CD86: variants seen among roughly 807,000 people sequenced by gnomAD.
CD86 encodes T-lymphocyte activation antigen CD86.
In CD86, 11 loss-of-function variants were observed where a neutral mutation model predicts 32.1. The observed-to-expected ratio is 0.34, with a 90% CI of 0.22 to 0.57. CD86 has a LOEUF of 0.57. Ranked by LOEUF, CD86 falls within the 20% of genes least tolerant of loss-of-function variation. The pLI is 0.86. For missense variants in CD86, 359 were observed against 398.4 expected (o/e 0.90, Z 0.84); for synonymous variants, 137 against 135.3 (o/e 1.01, Z -0.09).
intron 1 of CD86, among the ~76,000 whole-genome samples, chr3:122,090,509 A>C (rs2072798536): frequency 6.6e-6 from 1 of 152,122 alleles, no homozygotes; most frequent in Non-Finnish European, 1.5e-5. Flanking sequence ...CTCAGTGCAA[A>C]TTGGGCAGAT....
chr3:122,093,004 C>G (rs1457598157), intron 2 of CD86, among the ~76,000 whole-genome samples: 1 of 152,284 alleles, frequency 6.6e-6, no homozygotes, highest in East Asian at 1.9e-4. Flanking sequence ...ACTTAGGTAA[C>G]AACAGCAGCT....
intron 2 of CD86, among the ~76,000 whole-genome samples, chr3:122,093,977 C>T (rs1295433615): frequency 6.6e-6 from 1 of 152,196 alleles, no homozygotes; most frequent in Non-Finnish European, 1.5e-5. Flanking sequence ...AGTGGTAAGA[C>T]TTCTTCCATG....
chr3:122,073,639 G>T (rs1489705884), intron 1 of CD86, among the ~76,000 whole-genome samples: 1 of 152,052 alleles, frequency 6.6e-6, no homozygotes, highest in African/African-American at 2.4e-5. Context: ...TTAAAGGGGA[G>T]TGTCAAGTCC....
At chr3:122,103,268 G>A (rs1187456661) in intron 2 of CD86, among the ~76,000 whole-genome samples, 3 of 152,064 alleles carry the variant, frequency 2.0e-5, no homozygotes, top group Middle Eastern at 3.4e-3. Flanking sequence ...TTAATCAGAT[G>A]AGGAAACTGA....
chr3:122,072,410 A>G (rs2072501124), intron 1 of CD86, among the ~76,000 whole-genome samples: 1 of 151,944 alleles, frequency 6.6e-6, no homozygotes, highest in South Asian at 2.1e-4. Flanking sequence ...TGACTTTTTA[A>G]TGATTGCCAT....
chr3:122,064,294 A>G (rs1559896579), intron 1 of CD86, among the ~76,000 whole-genome samples: 2 of 152,188 alleles, frequency 1.3e-5, no homozygotes, highest in African/African-American at 4.8e-5. Flanking sequence ...TAAGATAGTC[A>G]TAGTAGTTAC....
chr3:122,092,024 C>G (rs748336373), intron 2 of CD86: 1 of 172,542 alleles, frequency 5.8e-6, no homozygotes, highest in East Asian at 1.6e-4. Flanking sequence ...TCTTCTCTGA[C>G]CCTGTTTCTG....
intron 6 of CD86, among the ~76,000 whole-genome samples, chr3:122,119,017 A>C (rs749809972): frequency 6.6e-6 from 1 of 152,198 alleles, no homozygotes; most frequent in African/African-American, 2.4e-5. Flanking sequence ...CATAACCCCC[A>C]GGGTGCAGAG....
At chr3:122,082,156 G>T (rs1242530227) in intron 1 of CD86, among the ~76,000 whole-genome samples, 1 of 152,144 alleles carries the variant, frequency 6.6e-6, no homozygotes, top group Non-Finnish European at 1.5e-5. Flanking sequence ...CCCCACTTTG[G>T]TTTGAATAGT....
At chr3:122,056,409 A>G (rs769669110) in intron 1 of CD86, among the ~76,000 whole-genome samples, 50 of 152,134 alleles carry the variant, frequency 3.3e-4, no homozygotes, top group Non-Finnish European at 4.6e-4. Context: ...ATCTCAGCTC[A>G]CTGCAACCTC....
intron 1 of CD86, among the ~76,000 whole-genome samples, chr3:122,075,539 T>C (rs1241087693): frequency 6.6e-6 from 1 of 152,216 alleles, no homozygotes; most frequent in East Asian, 1.9e-4. Flanking sequence ...TCTTTTCTAA[T>C]AGTGAATTTC....
Position 122,106,200 on chromosome 3 carries a change from A to G in CD86, c.403A>G (p.Asn135Asp), listed in dbSNP as rs1177541378. The G allele has an allele frequency of 1.3e-6, 2 of 1,592,248 alleles. No individual in the cohort carries two copies. Among genetic ancestry groups the G allele is most frequent in the Admixed American group, 3.5e-5 (2 of 56,870 alleles). ...TTTTATCTCTCTTCTGCTTTCAGCT[A>G]ACTTCAGTCAACCTGAAATAGTACC... ...QMNSELSVLANFSQPEIVPIS... is the reference protein window; with the variant it reads ...QMNSELSVLADFSQPEIVPIS... The change falls in exon 4 of 7, where the codon AAC (asparagine) becomes GAC (aspartate). Residue 135 changes from asparagine to aspartate, a missense_variant and splice_region_variant. Physicochemically the swap from Asn to Asp is conservative, Grantham distance 23 (BLOSUM62 1). Coordinates refer to ENST00000330540, the MANE Select transcript of CD86 (RefSeq NM_175862.5).
rs532474187 is a variant in CD86 at position 122,112,398 on chromosome 3, C to T, written c.847+2990C>T. ...GTGGCACGATCTCAGCACACTGCAACCTCTGCCTCCCAGGTTCAAGCGATT... is the reference window on the plus strand; with the variant it reads ...GTGGCACGATCTCAGCACACTGCAATCTCTGCCTCCCAGGTTCAAGCGATT... On this transcript the variant is annotated intron_variant, in intron 5 of 6. Transcript: ENST00000330540. 3.9e-3 allele frequency among the ~76,000 whole-genome samples: 599 copies of T among 152,072 alleles called. 4 individuals carry two copies. The highest frequency in any genetic ancestry group is 0.01 in the Middle Eastern group (3 of 294).
chr3:122,076,229 T>A (rs1023171128), intron 1 of CD86, among the ~76,000 whole-genome samples: 2 of 152,216 alleles, frequency 1.3e-5, no homozygotes, highest in Middle Eastern at 3.2e-3. Flanking sequence ...GAGTATGAAG[T>A]GGTACTAGTA....
At chr3:122,087,843 T>C (rs776474492) in intron 1 of CD86, among the ~76,000 whole-genome samples, 1 of 152,012 alleles carries the variant, frequency 6.6e-6, no homozygotes, top group Non-Finnish European at 1.5e-5. Context: ...GGAAGGAAGG[T>C]AAGGAGAAGC....
intron 1 of CD86, among the ~76,000 whole-genome samples, chr3:122,082,771 T>C (rs748098045): frequency 2.6e-5 from 4 of 152,260 alleles, no homozygotes; most frequent in Non-Finnish European, 5.9e-5. Context: ...TCAGGCTTTA[T>C]GAATGTTAAT....
intron 1 of CD86, among the ~76,000 whole-genome samples, chr3:122,059,885 CAG>C (rs2072302424): frequency 1.3e-5 from 2 of 152,140 alleles, no homozygotes; most frequent in African/African-American, 4.8e-5. Flanking sequence ...TGTGAAGACA[CAG>C]GGCGAAGACG....
intron 1 of CD86, among the ~76,000 whole-genome samples, chr3:122,087,943 G>C (rs2072751247): frequency 6.6e-6 from 1 of 152,162 alleles, no homozygotes; most frequent in Non-Finnish European, 1.5e-5. Flanking sequence ...TCTCCCCACT[G>C]TGTGAATTAC....
At position 122,091,911 on chromosome 3, in the gene CD86, C is replaced by T. The variant is rs529145050; in HGVS notation, c.64+261C>T. Reference sequence around the variant, plus strand: ...AGTCTCACATCAGTGAGCCTAGATGCTCAGAGTAGGGTAGCCTGGCCCATC... The same window carrying T: ...AGTCTCACATCAGTGAGCCTAGATGTTCAGAGTAGGGTAGCCTGGCCCATC... On this transcript the variant is annotated intron_variant, in intron 2 of 6. Transcript: ENST00000330540. 1.6e-4 allele frequency: 73 copies of T among 463,284 alleles called. No individual in the cohort carries two copies. In the East Asian group the frequency reaches 2.6e-3, roughly 17 times the overall value. The allele number at this position is 463,284 out of a possible 1,614,324, so 28.7% of individuals were successfully genotyped here.
Sources: gnomAD v4.1 joint callset for allele counts (sites outside exome capture counted in the v4.1 genomes callset) on GRCh38, gnomAD v4.1.1 for gene constraint, MANE v1.5 for transcripts, NCBI Gene and HGNC (gene_info 2026-07-23, HGNC 2026-07-21) for gene names.